KAZN: variants seen among roughly 807,000 people sequenced by gnomAD.
KAZN encodes the protein kazrin, periplakin interacting protein.
KAZN carries 40 observed loss-of-function variants against 87.4 expected under a neutral mutation model. The ratio of observed to expected loss-of-function variants is 0.46; its 90% CI spans 0.36 to 0.60. KAZN has a LOEUF of 0.60. Among genes scored for constraint, KAZN ranks in the 20% least tolerant of loss-of-function variants. The pLI is 0.00. For synonymous variants in KAZN, 466 were observed against 458.3 expected, an observed-to-expected ratio of 1.02 and a Z score of -0.22; for missense variants, 898 against 1,073.9, an observed-to-expected ratio of 0.84 and a Z score of 2.29.
intron 1 of KAZN, among the ~76,000 whole-genome samples, chr1:14,070,751 A>G (rs535477387): frequency 5.2e-4 from 79 of 152,298 alleles, no homozygotes; most frequent in African/African-American, 1.9e-3. Context: ...AAATGCCCCC[A>G]TCTTCCCAGA....
At chr1:14,928,364 T>G (rs6429690) in intron 1 of KAZN, among the ~76,000 whole-genome samples, 48,623 of 151,270 alleles carry the variant, frequency 0.32, 8,663 homozygotes, top group African/African-American at 0.47. Context: ...CAGGAGAGTG[T>G]CATGAACCTG....
At chr1:14,429,048 G>C (rs1184196283) in intron 2 of KAZN, among the ~76,000 whole-genome samples, 1 of 151,974 alleles carries the variant, frequency 6.6e-6, no homozygotes, top group South Asian at 2.1e-4. Context: ...TAAATATCTA[G>C]GTCCTTATTG....
At chr1:14,453,750 C>T (rs903925896) in intron 2 of KAZN, among the ~76,000 whole-genome samples, 5 of 152,092 alleles carry the variant, frequency 3.3e-5, no homozygotes, top group African/African-American at 7.2e-5. Context: ...GCAGGAGAAT[C>T]GCTTCAACCT....
intron 1 of KAZN, among the ~76,000 whole-genome samples, chr1:14,687,473 A>G (rs1456744546): frequency 1.3e-5 from 2 of 152,210 alleles, no homozygotes; most frequent in African/African-American, 4.8e-5. Flanking sequence ...GGGAACTGAG[A>G]TGGGGAAGAT....
chr1:14,040,859 C>T (rs916336301), intron 1 of KAZN, among the ~76,000 whole-genome samples: 1 of 151,220 alleles, frequency 6.6e-6, no homozygotes, highest in Non-Finnish European at 1.5e-5. Context: ...CTTTGGAAAA[C>T]CAATATTTTC....
chr1:14,064,352 A>T (rs1409565255), intron 1 of KAZN, among the ~76,000 whole-genome samples: 1 of 152,024 alleles, frequency 6.6e-6, no homozygotes, highest in Admixed American at 6.5e-5. Context: ...GGAAAACTGA[A>T]GTACCGTCAC....
At chr1:14,024,723 G>A (rs915192551) in intron 1 of KAZN, among the ~76,000 whole-genome samples, 3 of 152,186 alleles carry the variant, frequency 2.0e-5, no homozygotes, top group Admixed American at 6.5e-5. Flanking sequence ...ATAAACCCAG[G>A]GGAGGGAGTG....
At chr1:14,222,550 G>A (rs1204285738) in intron 2 of KAZN, among the ~76,000 whole-genome samples, 1 of 152,186 alleles carries the variant, frequency 6.6e-6, no homozygotes, top group Non-Finnish European at 1.5e-5. Context: ...CATTAGATCT[G>A]AATTTATGCC....
chr1:14,785,420 A>G (rs1449054479), intron 1 of KAZN, among the ~76,000 whole-genome samples: 1 of 152,116 alleles, frequency 6.6e-6, no homozygotes, highest in Non-Finnish European at 1.5e-5. Flanking sequence ...GTCATGGAGA[A>G]CAAATATGGC....
chr1:14,556,075 C>T lies in KAZN; in HGVS notation c.250-42908C>T, dbSNP rs535991067. Among the ~76,000 whole-genome samples the T allele has an allele frequency of 2.2e-4, 34 of 151,694 alleles. No homozygotes were observed. In the South Asian group the frequency reaches 6.9e-3, roughly 31 times the overall value. On this transcript the variant is annotated intron_variant, in intron 2 of 16. Coordinates refer to the KAZN transcript ENST00000636203. ...CATGGAAACTGGCAAATCCTACAAGCTAGGAGGCTCTTTTCGGGAGAAGAG... is the reference window on the plus strand; with the variant it reads ...CATGGAAACTGGCAAATCCTACAAGTTAGGAGGCTCTTTTCGGGAGAAGAG...
intron 1 of KAZN, among the ~76,000 whole-genome samples, chr1:14,667,290 A>G (rs1393533902): frequency 6.6e-6 from 1 of 152,166 alleles, no homozygotes; most frequent in Non-Finnish European, 1.5e-5. Context: ...TCCTCAGAGC[A>G]CATGGTTTTC....
At chr1:14,277,162 T>C (rs1652425344) in intron 2 of KAZN, among the ~76,000 whole-genome samples, 1 of 152,192 alleles carries the variant, frequency 6.6e-6, no homozygotes, top group African/African-American at 2.4e-5. Flanking sequence ...CTTGTGCCCA[T>C]TATATACTCA....
chr1:15,059,873 G>A (rs1000646484), intron 5 of KAZN, among the ~76,000 whole-genome samples: 10 of 151,978 alleles, frequency 6.6e-5, no homozygotes, highest in African/African-American at 1.7e-4. Context: ...ACTTGGAAAC[G>A]AGGAGACTTG....
At chr1:14,028,575 T>A (rs1028678260) in intron 1 of KAZN, among the ~76,000 whole-genome samples, 1 of 152,192 alleles carries the variant, frequency 6.6e-6, no homozygotes, top group Admixed American at 6.5e-5. Flanking sequence ...CCAGCTCCTA[T>A]CTTTATCTTT....
At chr1:14,519,418 G>T (rs1267188576) in intron 2 of KAZN, among the ~76,000 whole-genome samples, 5 of 152,184 alleles carry the variant, frequency 3.3e-5, no homozygotes, top group Non-Finnish European at 7.3e-5. Context: ...GAGAAAAGCA[G>T]CCAAGAGCAG....
At position 14,543,514 on chromosome 1, in the gene KAZN, C is replaced by T. The variant is rs149268303; in HGVS notation, c.250-55469C>T. Reference sequence around the variant, plus strand: ...CCTGTCCATCCCATGCATTGAGTGACTCATCGGTACCTTTAGAAATTTATA... The same window carrying T: ...CCTGTCCATCCCATGCATTGAGTGATTCATCGGTACCTTTAGAAATTTATA... On this transcript the variant is annotated intron_variant, in intron 2 of 16. Transcript: ENST00000636203. Among the ~76,000 whole-genome samples the T allele has an allele frequency of 8.2e-4, 125 of 152,310 alleles. 1 individual carries two copies. Among genetic ancestry groups the T allele is most frequent in the African/African-American group, 2.8e-3 (117 of 41,566 alleles).
intron 2 of KAZN, among the ~76,000 whole-genome samples, chr1:14,321,893 C>T (rs1265626049): frequency 6.6e-6 from 1 of 152,140 alleles, no homozygotes. Context: ...AAGAAGAGAG[C>T]TTACCCATGG....
chr1:14,688,124 C>G (rs1422961458), intron 1 of KAZN, among the ~76,000 whole-genome samples: 1 of 152,222 alleles, frequency 6.6e-6, no homozygotes, highest in Non-Finnish European at 1.5e-5. Flanking sequence ...CACCATGTCA[C>G]TCCCCTCTGC....
chr1:14,645,219 T>C (rs2148683361), intron 1 of KAZN, among the ~76,000 whole-genome samples: 1 of 152,338 alleles, frequency 6.6e-6, no homozygotes, highest in East Asian at 1.9e-4. Flanking sequence ...TAGTATAGTT[T>C]GAAGTCAGGT....
Sources: gnomAD v4.1 joint callset for allele counts (sites outside exome capture counted in the v4.1 genomes callset) on GRCh38, gnomAD v4.1.1 for gene constraint, MANE v1.5 for transcripts, NCBI Gene and HGNC (gene_info 2026-07-23, HGNC 2026-07-21) for gene names.